COL4A4: variants seen among roughly 807,000 people sequenced by gnomAD.
COL4A4 encodes the protein collagen alpha-4(IV) chain.
COL4A4 carries 105 observed loss-of-function variants against 192.9 expected under a neutral mutation model. The ratio of observed to expected loss-of-function variants is 0.54; its 90% CI spans 0.46 to 0.64. COL4A4 has a LOEUF of 0.64. Among genes scored for constraint, COL4A4 ranks in the 30% least tolerant of loss-of-function variants. The pLI is 0.00. For missense variants in COL4A4, 1,967 were observed against 2,169.3 expected (o/e 0.91, Z 1.85); for synonymous variants, 762 against 769.9 (o/e 0.99, Z 0.17).
intron 5 of COL4A4, among the ~76,000 whole-genome samples, chr2:227,120,493 T>G (rs1014925127): frequency 6.6e-6 from 1 of 152,088 alleles, no homozygotes; most frequent in African/African-American, 2.4e-5. Context: ...CATGAAACAA[T>G]ATAACTTCTC....
chr2:227,040,288 C>T lies in COL4A4; in HGVS notation c.3505+1860G>A, dbSNP rs141213021. 1.0e-3 allele frequency among the ~76,000 whole-genome samples: 154 copies of T among 152,282 alleles called. 2 individuals are homozygous for T. The highest frequency in any genetic ancestry group is 3.4e-3 in the Middle Eastern group (1 of 294). On this transcript the variant is annotated intron_variant, in intron 37 of 47. Coordinates refer to ENST00000396625, the MANE Select transcript of COL4A4 (RefSeq NM_000092.5). ...AGAAGAAATAGAGGAAACCTGGTTACAAGACTCTACCAAGTAAGCTGGAAC... is the reference window on the plus strand; with the variant it reads ...AGAAGAAATAGAGGAAACCTGGTTATAAGACTCTACCAAGTAAGCTGGAAC...
At chr2:227,002,213 T>A (rs370373807), downstream of COL4A4, among the ~76,000 whole-genome samples, 82 of 146,544 alleles carry the variant, frequency 5.6e-4, 1 homozygote, top group Middle Eastern at 7.3e-3. Flanking sequence ...AGTTATTGAA[T>A]ATCTGCACTC....
At chr2:227,077,189 CAT>C (rs1355714542) in intron 25 of COL4A4, among the ~76,000 whole-genome samples, 2 of 152,038 alleles carry the variant, frequency 1.3e-5, no homozygotes, top group African/African-American at 4.8e-5. Flanking sequence ...CACATGTAAA[CAT>C]ATGTTTATTG....
At chr2:227,106,797 C>A (rs544730735) in intron 12 of COL4A4, among the ~76,000 whole-genome samples, 12 of 152,186 alleles carry the variant, frequency 7.9e-5, no homozygotes, top group Non-Finnish European at 1.6e-4. Flanking sequence ...AACTCCTGAC[C>A]TGAGGTGATC....
At chr2:227,162,406 T>G (rs76906788) in intron 1 of COL4A4, among the ~76,000 whole-genome samples, 7,618 of 152,250 alleles carry the variant, frequency 0.05, 237 homozygotes, top group Admixed American at 0.087. Flanking sequence ...TTTTTAAAAT[T>G]AAATACTGTC....
Position 227,030,533 on chromosome 2 carries a change from C to G in COL4A4, c.3883G>C (p.Gly1295Arg). 6.2e-7 allele frequency: 1 copy of G among 1,614,018 alleles called. No homozygotes were observed. Among genetic ancestry groups the G allele is most frequent in the Non-Finnish European group, 8.5e-7 (1 of 1,179,972 alleles). ...DLLRGEPGDCGLPGPPGPPGP... is the reference protein window; with the variant it reads ...DLLRGEPGDCRLPGPPGPPGP... ...GGGGGACCTGGTGGCCCTGGTAGAC[C>G]ACAGTCACCTGGCTCCCCTCTCAGA... Residue 1295 changes from glycine (G) to arginine (R), a missense_variant, in exon 41 of 48, where the codon GGT (glycine) becomes CGT (arginine). Coordinates refer to ENST00000396625, the MANE Select transcript of COL4A4 (RefSeq NM_000092.5).
chr2:226,972,946 CAAAA>C, the COL4A4 span, among the ~76,000 whole-genome samples: 1 of 128,662 alleles, frequency 7.8e-6, no homozygotes, highest in Non-Finnish European at 1.7e-5. Flanking sequence ...AAAAAAAAAA[CAAAA>C]AACCATGCAG....
intron 1 of COL4A4, among the ~76,000 whole-genome samples, chr2:227,151,707 G>A (rs954367807): frequency 2.0e-5 from 3 of 152,176 alleles, no homozygotes; most frequent in Non-Finnish European, 2.9e-5. Flanking sequence ...CATCTGGGAC[G>A]CAATTAGGTC....
intron 1 of COL4A4, among the ~76,000 whole-genome samples, chr2:227,156,395 TAA>T (rs5839193): frequency 0.011 from 1,523 of 135,130 alleles, 52 homozygotes; most frequent in Admixed American, 0.068. Context: ...AAACCCCGTC[TAA>T]AAAAAAAAAA....
At chr2:227,050,207 T>C (rs1973782627) in intron 33 of COL4A4, 76 bp from the exon 34 acceptor site, 2 of 1,354,666 alleles carry the variant, frequency 1.5e-6, no homozygotes, top group Middle Eastern at 3.6e-4. Flanking sequence ...GATCCAGTTG[T>C]AATTTTCTGT....
the COL4A4 span, chr2:226,988,857 C>T: frequency 4.0e-6 from 1 of 246,974 alleles, no homozygotes; most frequent in South Asian, 1.5e-4. Flanking sequence ...TATTGCCAAA[C>T]CTTACTCCTT....
At chr2:226,969,604 C>T in the COL4A4 span, among the ~76,000 whole-genome samples, 4 of 152,048 alleles carry the variant, frequency 2.6e-5, no homozygotes, top group Non-Finnish European at 4.4e-5. Context: ...CACCAGAAAA[C>T]GTGAGTCCCG....
chr2:227,050,990 A>G lies in COL4A4; in HGVS notation c.3137T>C (p.Leu1046Pro), dbSNP rs1191531524. The change falls in exon 33 of 48, where the codon CTT (leucine) becomes CCT (proline). Residue 1046 changes from leucine (L) to proline (P), a missense_variant. Coordinates refer to ENST00000396625, the MANE Select transcript of COL4A4 (RefSeq NM_000092.5). ...GLRGFIGFPG[L>P]PGDQGEPGSP... The stretch of plus-strand genomic sequence containing the variant: ...GTAGCCCCTTACCTGGTCACCTGGA[A>G]GTCCTGGAAAACCAATGAACCCTCT... 3 of 1,614,188 alleles carry G rather than the reference A, an allele frequency of 1.9e-6. No homozygotes were observed. The highest frequency in any genetic ancestry group is 2.7e-5 in the African/African-American group (2 of 75,048).
intron 1 of COL4A4, among the ~76,000 whole-genome samples, chr2:227,159,011 A>T (rs1415887127): frequency 6.6e-6 from 1 of 152,224 alleles, no homozygotes; most frequent in Non-Finnish European, 1.5e-5. Context: ...TTGTAGAAAA[A>T]TATTCATAGT....
intron 19 of COL4A4, among the ~76,000 whole-genome samples, chr2:227,097,736 G>T (rs2060281172): frequency 6.6e-6 from 1 of 152,190 alleles, no homozygotes; most frequent in Admixed American, 6.5e-5. Flanking sequence ...AAGTGAACTA[G>T]ACAAAGCTTT....
chr2:227,032,759 A>G (rs1230231605), intron 38 of COL4A4, among the ~76,000 whole-genome samples: 1 of 152,216 alleles, frequency 6.6e-6, no homozygotes, highest in Non-Finnish European at 1.5e-5. Context: ...CTTCCAAACT[A>G]GAAAGATTTC....
chr2:227,031,834 G>A, intron 40 of COL4A4, 111 bp downstream of exon 40: 1 of 822,328 alleles, frequency 1.2e-6, no homozygotes, highest in South Asian at 1.4e-5. Context: ...CAAGCTGATG[G>A]GGGGCTGCTT....
intron 45 of COL4A4, 57 bp from the exon 46 acceptor site, chr2:227,010,558 A>T: frequency 2.2e-6 from 3 of 1,373,004 alleles, no homozygotes; most frequent in Non-Finnish European, 2.0e-6. Context: ...TTTAACAAAT[A>T]TGTTAAGCAC....
At chr2:226,995,499 C>A in the COL4A4 span, 1 of 1,612,292 alleles carries the variant, frequency 6.2e-7, no homozygotes, top group Non-Finnish European at 8.5e-7. Context: ...GAGACAGCGG[C>A]TTCACAGATT....
Sources: allele counts gnomAD v4.1 joint callset (sites outside exome capture counted in the v4.1 genomes callset), GRCh38; gene constraint gnomAD v4.1.1; transcripts MANE v1.5; gene names NCBI Gene and HGNC (gene_info 2026-07-23, HGNC 2026-07-21).